MED13L: variants seen among roughly 807,000 people sequenced by gnomAD.
The protein encoded by MED13L is mediator of RNA polymerase II transcription subunit 13-like.
In MED13L, 7 loss-of-function variants were observed where a neutral mutation model predicts 220.9. That is an observed-to-expected ratio of 0.03 (90% CI 0.02 to 0.06). The LOEUF is 0.06. Ranked by LOEUF, MED13L falls within the 10% of genes least tolerant of loss-of-function variation. MED13L has a pLI of 1.00. For missense variants in MED13L, 1,965 were observed against 2,760.5 expected, an observed-to-expected ratio of 0.71 and a Z score of 6.46; for synonymous variants, 1,011 against 1,015.2, an observed-to-expected ratio of 1.00 and a Z score of 0.08.
intron 2 of MED13L, among the ~76,000 whole-genome samples, chr12:116,155,999 CAAT>C (rs142609958): frequency 0.073 from 11,117 of 152,020 alleles, 440 homozygotes; most frequent in Middle Eastern, 0.11. Flanking sequence ...TTACTCAACT[CAAT>C]AAGGGAAAAA....
At chr12:116,052,750 A>C (rs1868616102) in intron 4 of MED13L, among the ~76,000 whole-genome samples, 1 of 152,202 alleles carries the variant, frequency 6.6e-6, no homozygotes, top group East Asian at 1.9e-4. Flanking sequence ...TCTGAGACAG[A>C]CCCAGAGACT....
intron 2 of MED13L, among the ~76,000 whole-genome samples, chr12:116,117,724 A>T (rs1055058605): frequency 3.9e-5 from 6 of 152,328 alleles, no homozygotes; most frequent in Admixed American, 6.5e-5. Context: ...AACTGTTCCT[A>T]GAGCCCAATG....
chr12:116,022,884 C>G (rs1281936922), intron 4 of MED13L, among the ~76,000 whole-genome samples: 1 of 152,142 alleles, frequency 6.6e-6, no homozygotes, highest in Non-Finnish European at 1.5e-5. Flanking sequence ...CTATAAACAC[C>G]TAAGAACAGA....
chr12:116,207,383 C>CTG, intron 2 of MED13L, among the ~76,000 whole-genome samples: 1 of 152,282 alleles, frequency 6.6e-6, no homozygotes, highest in South Asian at 2.1e-4. Flanking sequence ...CAATAACATG[C>CTG]TGTAGCCTAC....
intron 2 of MED13L, among the ~76,000 whole-genome samples, chr12:116,225,791 C>T (rs1197327505): frequency 1.3e-5 from 2 of 152,208 alleles, no homozygotes; most frequent in Non-Finnish European, 2.9e-5. Flanking sequence ...TTCCCTTATT[C>T]AAGCAGTCTT....
At chr12:116,121,289 T>C (rs996143467) in intron 2 of MED13L, among the ~76,000 whole-genome samples, 3 of 152,140 alleles carry the variant, frequency 2.0e-5, no homozygotes, top group East Asian at 1.9e-4. Flanking sequence ...TCCCCATCAA[T>C]TGCAATATAA....
At chr12:115,975,348 C>T (rs1366081651) in intron 24 of MED13L, 35 bp from the exon 25 acceptor site, 12 of 1,613,786 alleles carry the variant, frequency 7.4e-6, no homozygotes, top group Non-Finnish European at 1.0e-5. Flanking sequence ...GGGAAGGGGT[C>T]CCTAGATAAA....
At chr12:115,965,653 C>T (rs753279024) in intron 29 of MED13L, among the ~76,000 whole-genome samples, 4 of 152,108 alleles carry the variant, frequency 2.6e-5, no homozygotes, top group South Asian at 2.1e-4. Flanking sequence ...TGTAAATGTG[C>T]GATGTTTTTA....
At chr12:116,183,349 T>C (rs1322041994) in intron 2 of MED13L, among the ~76,000 whole-genome samples, 3 of 152,238 alleles carry the variant, frequency 2.0e-5, no homozygotes. Flanking sequence ...AGTTCAGTGA[T>C]GCTCAAATAT....
chr12:116,051,622 T>C (rs1868516872), intron 4 of MED13L, among the ~76,000 whole-genome samples: 1 of 152,218 alleles, frequency 6.6e-6, no homozygotes, highest in Non-Finnish European at 1.5e-5. Context: ...ATAAGATATA[T>C]TGGGAATGAG....
At chr12:116,150,847 G>T (rs1764211251) in intron 2 of MED13L, among the ~76,000 whole-genome samples, 1 of 152,150 alleles carries the variant, frequency 6.6e-6, no homozygotes, top group Non-Finnish European at 1.5e-5. Flanking sequence ...GCCTTAGGTA[G>T]GTCGTTTAAT....
At chr12:116,095,245 TA>T (rs1396760426) in intron 4 of MED13L, among the ~76,000 whole-genome samples, 1 of 152,220 alleles carries the variant, frequency 6.6e-6, no homozygotes, top group African/African-American at 2.4e-5. Flanking sequence ...TATATATTTA[TA>T]AGGGGAAAAA....
intron 4 of MED13L, among the ~76,000 whole-genome samples, chr12:116,029,961 G>GT (rs1400651052): frequency 1.4e-5 from 2 of 145,500 alleles, no homozygotes; most frequent in African/African-American, 5.0e-5. Flanking sequence ...TGGGTTTTTT[G>GT]TTTGTTTGTT....
chr12:116,181,797 G>A (rs771036122), intron 2 of MED13L, among the ~76,000 whole-genome samples: 1 of 152,126 alleles, frequency 6.6e-6, no homozygotes, highest in Non-Finnish European at 1.5e-5. Flanking sequence ...GAGCCACCAC[G>A]CCCTGTCATG....
At chr12:116,256,592 G>T (rs1872070569) in intron 1 of MED13L, among the ~76,000 whole-genome samples, 1 of 150,706 alleles carries the variant, frequency 6.6e-6, no homozygotes, top group African/African-American at 2.4e-5. Context: ...ATATTTTATT[G>T]TATGTAAAGT....
intron 4 of MED13L, among the ~76,000 whole-genome samples, chr12:116,073,223 G>A (rs1870521418): frequency 6.6e-6 from 1 of 152,062 alleles, no homozygotes; most frequent in East Asian, 1.9e-4. Context: ...TTAAAAAAAA[G>A]TACTTAAATC....
intron 2 of MED13L, among the ~76,000 whole-genome samples, chr12:116,130,050 CTAT>C (rs2137998372): frequency 6.6e-6 from 1 of 152,308 alleles, no homozygotes; most frequent in African/African-American, 2.4e-5. Context: ...CTCAGAGGCT[CTAT>C]AACAGACCCT....
intron 2 of MED13L, among the ~76,000 whole-genome samples, chr12:116,226,326 T>C (rs919365601): frequency 1.1e-4 from 17 of 152,126 alleles, no homozygotes; most frequent in African/African-American, 3.9e-4. Flanking sequence ...ACTGCCAGGA[T>C]CAAAACAAGA....
At chr12:116,193,176 T>C (rs1015474884) in intron 2 of MED13L, among the ~76,000 whole-genome samples, 3 of 151,978 alleles carry the variant, frequency 2.0e-5, no homozygotes, top group African/African-American at 7.2e-5. Flanking sequence ...GCAGGCATGG[T>C]AGCTCACTCC....
Sources: allele counts gnomAD v4.1 joint callset (sites outside exome capture counted in the v4.1 genomes callset), GRCh38; gene constraint gnomAD v4.1.1; transcripts MANE v1.5; gene names NCBI Gene and HGNC (gene_info 2026-07-23, HGNC 2026-07-21).